Variants in HPGD observed in about 807,000 individuals in gnomAD.
HPGD encodes the protein 15-hydroxyprostaglandin dehydrogenase [NAD(+)].
HPGD carries 29 observed loss-of-function variants against 30.0 expected under a neutral mutation model. The ratio of observed to expected loss-of-function variants is 0.97; its 90% CI spans 0.72 to 1.32. The LOEUF (loss-of-function observed/expected upper bound fraction) is 1.32, where lower values mean the gene tolerates loss of function less well. Ranked by LOEUF, HPGD falls within the 40% of genes most tolerant of loss-of-function variation. The pLI is 0.00. For synonymous variants in HPGD, 99 were observed against 112.4 expected (o/e 0.88, Z 0.75); for missense variants, 340 against 322.1 (o/e 1.06, Z -0.43).
chr4:174,506,060 A>G (rs894637977), intron 4 of HPGD, among the ~76,000 whole-genome samples: 2 of 152,340 alleles, frequency 1.3e-5, no homozygotes, highest in East Asian at 3.9e-4. Context: ...CAAATGTTGT[A>G]TCTGACATAG....
chr4:174,515,519 A>G (rs1317739034), intron 3 of HPGD, among the ~76,000 whole-genome samples: 2 of 151,932 alleles, frequency 1.3e-5, no homozygotes, highest in Non-Finnish European at 2.9e-5. Context: ...AAACTATACA[A>G]ATTCTAGAAG....
At chr4:174,497,244 A>C (rs1280359341) in intron 4 of HPGD, among the ~76,000 whole-genome samples, 1 of 152,248 alleles carries the variant, frequency 6.6e-6, no homozygotes, top group Non-Finnish European at 1.5e-5. Context: ...GACATTGTTC[A>C]TAAGAGTTGT....
At chr4:174,521,361 A>T (rs1736108515) in intron 2 of HPGD, among the ~76,000 whole-genome samples, 1 of 152,186 alleles carries the variant, frequency 6.6e-6, no homozygotes, top group African/African-American at 2.4e-5. Context: ...AGGCTGATAG[A>T]GATGTTTCTA....
At chr4:174,520,136 T>G (rs979310978) in intron 2 of HPGD, among the ~76,000 whole-genome samples, 4 of 152,168 alleles carry the variant, frequency 2.6e-5, no homozygotes, top group African/African-American at 9.7e-5. Flanking sequence ...TATGTATGTC[T>G]AATTGCCGCT....
chr4:174,521,517 T>C (rs1736118991), intron 2 of HPGD, among the ~76,000 whole-genome samples: 1 of 152,252 alleles, frequency 6.6e-6, no homozygotes, highest in South Asian at 2.1e-4. Context: ...TGTATTCTGA[T>C]ATGTTTAAAC....
chr4:174,499,676 C>T (rs6835990), intron 4 of HPGD, among the ~76,000 whole-genome samples: 4,767 of 152,214 alleles, frequency 0.031, 249 homozygotes, highest in African/African-American at 0.11. Context: ...AAATCTCTGT[C>T]TCATTTTCCT....
chr4:174,521,641 A>C, intron 2 of HPGD, among the ~76,000 whole-genome samples: 1 of 152,230 alleles, frequency 6.6e-6, no homozygotes, highest in Non-Finnish European at 1.5e-5. Context: ...CTGCAATTTC[A>C]ATCATTTAAT....
At chr4:174,498,611 G>A (rs1734756491) in intron 4 of HPGD, among the ~76,000 whole-genome samples, 1 of 152,066 alleles carries the variant, frequency 6.6e-6, no homozygotes, top group Admixed American at 6.6e-5. Flanking sequence ...ATTGTTGTCT[G>A]ACTTTTCACT....
chr4:174,502,656 C>G (rs1220578359), intron 4 of HPGD, among the ~76,000 whole-genome samples: 1 of 121,990 alleles, frequency 8.2e-6, no homozygotes, highest in Non-Finnish European at 1.6e-5. Context: ...CCAGCCTGGG[C>G]GACAGAGCGA....
intron 2 of HPGD, among the ~76,000 whole-genome samples, chr4:174,519,799 G>A (rs542655313): frequency 1.2e-3 from 181 of 152,040 alleles, no homozygotes; most frequent in Middle Eastern, 3.4e-3. Context: ...TTCCGACTCA[G>A]CCAGCCTGCA....
At chr4:174,504,892 T>C (rs1357108736) in intron 4 of HPGD, among the ~76,000 whole-genome samples, 2 of 152,208 alleles carry the variant, frequency 1.3e-5, no homozygotes, top group East Asian at 3.8e-4. Context: ...TAATGGAGCA[T>C]AGCTGTTTGA....
chr4:174,522,451 TG>T lies in HPGD; in HGVS notation c.-1del. On this transcript the variant is annotated 5_prime_UTR_variant, in exon 1 of 7. Coordinates refer to ENST00000296522, the MANE Select transcript of HPGD (RefSeq NM_000860.6). ...AGCGCCACTTTGCCGTTCACGTGCA[TG>T]GTGCAGCCACTGCTGGGGCGGGCGG... The T allele has an allele frequency of 6.3e-7, 1 of 1,575,810 alleles. No individual in the cohort carries two copies. The highest frequency in any genetic ancestry group is 8.6e-7 in the Non-Finnish European group (1 of 1,161,444).
At position 174,491,992 on chromosome 4, in the gene HPGD, G is replaced by T. The variant is rs1382645011; in HGVS notation, c.765C>A (p.Asp255Glu). ...ITTSKGIHFQ[D>E]YDTTPFQAKT... ...TTGCTTGAAATGGAGTTGTATCATA[G>T]TCTTGAAAATGAATTCCCTTAGAAG... The change falls in exon 7 of 7, where the codon GAC (aspartate) becomes GAA (glutamate). Residue 255 changes from aspartate (D) to glutamate (E), a missense_variant. Coordinates refer to ENST00000296522, the MANE Select transcript of HPGD (RefSeq NM_000860.6). 1 of 1,611,668 alleles carries T rather than the reference G, an allele frequency of 6.2e-7. No homozygotes were observed. Among genetic ancestry groups the T allele is most frequent in the Non-Finnish European group, 8.5e-7 (1 of 1,178,144 alleles).
intron 2 of HPGD, 43 bp downstream of exon 2, chr4:174,521,901 T>C: frequency 3.1e-6 from 5 of 1,610,042 alleles, no homozygotes; most frequent in Non-Finnish European, 4.2e-6. Flanking sequence ...TGTTGCTTGT[T>C]GAGAGCACGT....
chr4:174,495,169 T>G (rs1394543973), intron 5 of HPGD, among the ~76,000 whole-genome samples: 2 of 152,146 alleles, frequency 1.3e-5, no homozygotes, highest in Non-Finnish European at 2.9e-5. Context: ...TCCAGCTCCA[T>G]GTTCTCACTC....
intron 4 of HPGD, among the ~76,000 whole-genome samples, chr4:174,504,748 G>T (rs1430203138): frequency 1.3e-5 from 2 of 152,032 alleles, no homozygotes; most frequent in Non-Finnish European, 2.9e-5. Flanking sequence ...GAGAGGTGTT[G>T]GTTGTAGTGA....
At chr4:174,522,120 G>A in intron 1 of HPGD, 53 bp from the exon 2 acceptor site, 2 of 1,613,098 alleles carry the variant, frequency 1.2e-6, no homozygotes, top group South Asian at 2.2e-5. Context: ...GAAATAGACG[G>A]ACAAACAATA....
Position 174,495,570 on chromosome 4 carries a change from A to G in HPGD, c.476T>C (p.Val159Ala), listed in dbSNP as rs1427046799. ...PVYCASKHGI[V>A]GFTRSAALAA... Reference sequence around the variant, plus strand: ...CACCGCTGCTGAGCGTGTGAATCCAACTATGCCATGCTTTGAAGCACAATA... The same window carrying G: ...CACCGCTGCTGAGCGTGTGAATCCAGCTATGCCATGCTTTGAAGCACAATA... Residue 159 changes from valine (V) to alanine (A), a missense_variant, in exon 5 of 7, where the codon GTT (valine) becomes GCT (alanine). By Grantham distance (64) the Val-to-Ala change is moderately conservative. Transcript: ENST00000296522. 14 of 1,613,602 alleles carry G rather than the reference A, an allele frequency of 8.7e-6. No homozygotes were observed. Among genetic ancestry groups the G allele is most frequent in the African/African-American group, 1.3e-5 (1 of 74,932 alleles).
intron 3 of HPGD, among the ~76,000 whole-genome samples, chr4:174,512,220 CAT>C (rs1735543347): frequency 6.6e-6 from 1 of 152,164 alleles, no homozygotes; most frequent in African/African-American, 2.4e-5. Context: ...TGCAAAATAT[CAT>C]ATACAGGTAA....
Sources: allele counts gnomAD v4.1 joint callset (sites outside exome capture counted in the v4.1 genomes callset), GRCh38; gene constraint gnomAD v4.1.1; transcripts MANE v1.5; gene names NCBI Gene and HGNC (gene_info 2026-07-23, HGNC 2026-07-21).